Variants in LDB2 observed in about 807,000 individuals in gnomAD.
LDB2 encodes LIM domain binding 2, also known as LIM domain-binding protein 2.
In LDB2, 12 loss-of-function variants were observed where a neutral mutation model predicts 44.3. The observed-to-expected ratio is 0.27, with a 90% CI of 0.17 to 0.44. LDB2 has a LOEUF of 0.44. Ranked by LOEUF, LDB2 falls within the 20% of genes least tolerant of loss-of-function variation. The pLI, the probability that LDB2 is intolerant of heterozygous loss-of-function variation, is 1.00. For missense variants in LDB2, 344 were observed against 473.5 expected, an observed-to-expected ratio of 0.73 and a Z score of 2.54; for synonymous variants, 164 against 174.8, an observed-to-expected ratio of 0.94 and a Z score of 0.49.
intron 1 of LDB2, among the ~76,000 whole-genome samples, chr4:16,853,983 G>A (rs1788814907): frequency 6.6e-6 from 1 of 152,104 alleles, no homozygotes; most frequent in Non-Finnish European, 1.5e-5. Context: ...ATAGCAGGGG[G>A]TGAGCGGGGA....
chr4:16,673,283 T>C (rs1238435563), intron 2 of LDB2, among the ~76,000 whole-genome samples: 1 of 152,210 alleles, frequency 6.6e-6, no homozygotes, highest in Non-Finnish European at 1.5e-5. Flanking sequence ...GTCTCCAGAT[T>C]ATCAGTATGC....
At position 16,858,313 on chromosome 4, in the gene LDB2, G is replaced by C. The variant is rs534571760; in HGVS notation, c.132+40041C>G. On this transcript the variant is annotated intron_variant, in intron 1 of 7. Coordinates refer to ENST00000304523, the MANE Select transcript of LDB2 (RefSeq NM_001290.5). Reference sequence around the variant, plus strand: ...AATGGGCAGGCATGGTGAAAGCATAGAGCGCTTTATAAATGCAAGGAATTC... The same window carrying C: ...AATGGGCAGGCATGGTGAAAGCATACAGCGCTTTATAAATGCAAGGAATTC... Among the ~76,000 whole-genome samples, 4 of 152,314 alleles carry C rather than the reference G, an allele frequency of 2.6e-5. No individual in the cohort carries two copies. The South Asian group carries it at 8.3e-4, about 32-fold the overall frequency.
In LDB2 at chr4:16,831,174, C is replaced by CTTTTTTTT. The variant is rs370309653; in HGVS notation, c.132+67172_132+67179dup. ...CCTTGGACAACTCAGCCTCTCTGAG[C>CTTTTTTTT]TTTTTTTTTTTTTTTTTTCTATTTT... is the stretch of plus-strand genomic sequence containing the variant. On this transcript the variant is annotated intron_variant, in intron 1 of 7. Coordinates refer to ENST00000304523, the MANE Select transcript of LDB2 (RefSeq NM_001290.5). Among the ~76,000 whole-genome samples the CTTTTTTTT allele has an allele frequency of 1.8e-4, 23 of 126,708 alleles. 1 individual carries two copies. Among genetic ancestry groups the CTTTTTTTT allele is most frequent in the African/African-American group, 1.8e-4 (6 of 33,766 alleles). The allele number at this position is 126,708 out of a possible 152,430, so 83.1% of individuals were successfully genotyped here.
chr4:16,694,398 T>A (rs1751602610), intron 2 of LDB2, among the ~76,000 whole-genome samples: 1 of 152,222 alleles, frequency 6.6e-6, no homozygotes, highest in South Asian at 2.1e-4. Flanking sequence ...CATTGACCGA[T>A]CACAGCTGGT....
chr4:16,889,400 T>G (rs1377380610), intron 1 of LDB2: 1 of 152,100 alleles, frequency 6.6e-6, no homozygotes, highest in Admixed American at 6.6e-5. Context: ...TAATCAGAAG[T>G]CAGGAGATTC....
In LDB2 at chr4:16,550,920, G is replaced by A. The variant is rs543674990; in HGVS notation, c.615+35002C>T. ...TATTCCTATAATACAACTCCTTGCT[G>A]TACTTAAATGAATAAAAGCAACAGG... On this transcript the variant is annotated intron_variant, in intron 5 of 7. Transcript: ENST00000304523. Among the ~76,000 whole-genome samples the A allele has an allele frequency of 2.0e-5, 3 of 152,294 alleles. No homozygotes were observed. In the East Asian group the frequency reaches 5.8e-4, roughly 29 times the overall value.
chr4:16,761,276 C>T (rs1767856452), intron 1 of LDB2, among the ~76,000 whole-genome samples: 1 of 152,186 alleles, frequency 6.6e-6, no homozygotes, highest in African/African-American at 2.4e-5. Context: ...TGGACACCCC[C>T]GACCTACCCA....
chr4:16,754,646 C>A (rs1001261055), intron 2 of LDB2, among the ~76,000 whole-genome samples: 1 of 151,894 alleles, frequency 6.6e-6, no homozygotes, highest in Non-Finnish European at 1.5e-5. Context: ...ATTCTCCTAT[C>A]TCAGCCTCCC....
chr4:16,839,513 T>C (rs1461603799), intron 1 of LDB2, among the ~76,000 whole-genome samples: 5 of 152,188 alleles, frequency 3.3e-5, no homozygotes, highest in African/African-American at 4.8e-5. Flanking sequence ...CAACTTGAGA[T>C]TTGGAGGATA....
chr4:16,504,312 T>C (rs1369009017), intron 7 of LDB2, among the ~76,000 whole-genome samples: 1 of 152,342 alleles, frequency 6.6e-6, no homozygotes, highest in Non-Finnish European at 1.5e-5. Flanking sequence ...CCTAGTCTTT[T>C]ACAATGGAAA....
At chr4:16,835,672 G>A (rs562611259) in intron 1 of LDB2, among the ~76,000 whole-genome samples, 1 of 152,216 alleles carries the variant, frequency 6.6e-6, no homozygotes, top group African/African-American at 2.4e-5. Flanking sequence ...CAAGGAACAG[G>A]CAAAGAGTTT....
intron 2 of LDB2, among the ~76,000 whole-genome samples, chr4:16,605,457 TACATG>T (rs1289444980): frequency 6.6e-6 from 1 of 152,056 alleles, no homozygotes; most frequent in Non-Finnish European, 1.5e-5. Flanking sequence ...ACATTAGTAA[TACATG>T]TGCAAAAAAC....
intron 5 of LDB2, among the ~76,000 whole-genome samples, chr4:16,554,132 C>T (rs1037154925): frequency 6.6e-6 from 1 of 151,474 alleles, no homozygotes; most frequent in Non-Finnish European, 1.5e-5. Context: ...CTCACCACAA[C>T]TTCCACCTCC....
chr4:16,817,865 A>C (rs562595919), intron 1 of LDB2, among the ~76,000 whole-genome samples: 26 of 152,300 alleles, frequency 1.7e-4, no homozygotes, highest in Non-Finnish European at 2.5e-4. Context: ...GCTTACTTGA[A>C]CTATTTGTAA....
intron 2 of LDB2, among the ~76,000 whole-genome samples, chr4:16,735,337 T>C (rs2108958318): frequency 6.6e-6 from 1 of 152,182 alleles, no homozygotes; most frequent in Middle Eastern, 3.4e-3. Flanking sequence ...TGGGGCAGGC[T>C]GCGTTCTCCT....
At chr4:16,872,088 ATCTT>A (rs1015981943) in intron 1 of LDB2, among the ~76,000 whole-genome samples, 3 of 152,204 alleles carry the variant, frequency 2.0e-5, no homozygotes, top group South Asian at 2.1e-4. Flanking sequence ...TAAACTATAT[ATCTT>A]TCTATTAGTA....
chr4:16,560,428 A>G lies in LDB2; in HGVS notation c.615+25494T>C, dbSNP rs1026928508. Among the ~76,000 whole-genome samples the G allele has an allele frequency of 1.6e-4, 25 of 152,356 alleles. 1 individual carries two copies. In the Middle Eastern group the frequency reaches 0.01, roughly 62 times the overall value. On this transcript the variant is annotated intron_variant, in intron 5 of 7. Transcript: ENST00000304523. ...GAAATACAAACTACCATCAGAGAAT[A>G]GTACAAACACCTCTACGCAAATAAA...
At chr4:16,599,500 C>A (rs1721980880) in intron 2 of LDB2, among the ~76,000 whole-genome samples, 1 of 152,004 alleles carries the variant, frequency 6.6e-6, no homozygotes, top group Admixed American at 6.6e-5. Context: ...CTGCAAAGCC[C>A]CTTTTGCCAT....
chr4:16,633,297 G>A (rs1026681906), intron 2 of LDB2, among the ~76,000 whole-genome samples: 86 of 152,202 alleles, frequency 5.7e-4, no homozygotes, highest in African/African-American at 2.0e-3. Flanking sequence ...TGGGGTGGAG[G>A]GATGGGGGAG....
Sources: allele counts gnomAD v4.1 joint callset (sites outside exome capture counted in the v4.1 genomes callset), GRCh38; gene constraint gnomAD v4.1.1; transcripts MANE v1.5; gene names NCBI Gene and HGNC (gene_info 2026-07-23, HGNC 2026-07-21).